ROR2: variants seen among roughly 807,000 people sequenced by gnomAD.
The protein encoded by ROR2 is tyrosine-protein kinase transmembrane receptor ROR2.
Under a neutral mutation model 74.9 loss-of-function variants are expected in ROR2, and 33 were observed. That is an observed-to-expected ratio of 0.44 (90% CI 0.33 to 0.59). The LOEUF (loss-of-function observed/expected upper bound fraction) is 0.59, where lower values mean the gene tolerates loss of function less well. ROR2 is among the 20% of genes least tolerant of loss of function. The probability of loss-of-function intolerance (pLI) is 0.02; values close to 1 mark genes in which losing one functional copy is unlikely to be tolerated. For synonymous variants in ROR2, 586 were observed against 558.7 expected (o/e 1.05, Z -0.69); for missense variants, 1,216 against 1,313.8 (o/e 0.93, Z 1.15).
intron 1 of ROR2, among the ~76,000 whole-genome samples, chr9:91,817,557 G>A (rs1159777055): frequency 1.3e-5 from 2 of 152,288 alleles, no homozygotes; most frequent in South Asian, 2.1e-4. Context: ...CTCCTCCGGG[G>A]AGTGAAGGGG....
intron 1 of ROR2, among the ~76,000 whole-genome samples, chr9:91,904,895 T>G (rs1385717831): frequency 6.6e-6 from 1 of 151,988 alleles, no homozygotes. Flanking sequence ...GGTGCACAGC[T>G]GCAGAACACA....
intron 1 of ROR2, among the ~76,000 whole-genome samples, chr9:91,852,132 A>G (rs185091068): frequency 2.8e-4 from 43 of 151,662 alleles, no homozygotes; most frequent in Non-Finnish European, 4.4e-4. Context: ...TCTATTACTT[A>G]TTTTTATGGT....
chr9:91,940,715 C>T (rs1364089902), intron 1 of ROR2, among the ~76,000 whole-genome samples: 2 of 151,356 alleles, frequency 1.3e-5, no homozygotes, highest in Non-Finnish European at 2.9e-5. Flanking sequence ...CTGTCTCTGT[C>T]TCGGCCTCCC....
intron 1 of ROR2, among the ~76,000 whole-genome samples, chr9:91,882,513 C>T (rs983271737): frequency 6.6e-6 from 1 of 151,446 alleles, no homozygotes; most frequent in African/African-American, 2.4e-5. Context: ...AAATGCTGAA[C>T]GAAAAAATAT....
At chr9:91,906,034 G>C (rs1587836942) in intron 1 of ROR2, among the ~76,000 whole-genome samples, 1 of 144,890 alleles carries the variant, frequency 6.9e-6, no homozygotes, top group Non-Finnish European at 1.5e-5. Flanking sequence ...CACACACACA[G>C]AGTAATAATT....
intron 1 of ROR2, among the ~76,000 whole-genome samples, chr9:91,877,774 T>C (rs1473848470): frequency 6.6e-6 from 1 of 152,154 alleles, no homozygotes; most frequent in Non-Finnish European, 1.5e-5. Flanking sequence ...AGGTTTAGAT[T>C]TATGCTAAAA....
chr9:91,938,773 G>C (rs981164451), intron 1 of ROR2, among the ~76,000 whole-genome samples: 7 of 152,140 alleles, frequency 4.6e-5, no homozygotes, highest in Non-Finnish European at 7.3e-5. Flanking sequence ...TCCTCTATTT[G>C]CATCAGTAGA....
rs201080671 is a variant in ROR2, at chr9:91,775,808, C to T, written c.108G>A (p.Glu36=). Residue 36 remains glutamate, a synonymous_variant, in exon 2 of 9, where the codon GAG becomes GAA. Coordinates refer to ENST00000375708, the MANE Select transcript of ROR2 (RefSeq NM_004560.4). ...CTAAAGGGTCGTTCGGATCCAGAACCTCCACTTCACCTGGGAAAAAGAAAC... is the reference window on the plus strand; with the variant it reads ...CTAAAGGGTCGTTCGGATCCAGAACTTCCACTTCACCTGGGAAAAAGAAAC... ...LSVSRTSGEV[E]VLDPNDPLGP... The T allele has an allele frequency of 6.2e-7, 1 of 1,614,164 alleles. No homozygotes were observed. The highest frequency in any genetic ancestry group is 1.3e-5 in the African/African-American group (1 of 75,050).
At chr9:91,805,528 C>T (rs1414007776) in intron 1 of ROR2, among the ~76,000 whole-genome samples, 1 of 152,216 alleles carries the variant, frequency 6.6e-6, no homozygotes, top group African/African-American at 2.4e-5. Context: ...GCTGCTCCCC[C>T]TAGCCGGAGA....
At chr9:91,737,594 G>C (rs1825077118) in intron 4 of ROR2, 76 bp from the exon 5 acceptor site, 2 of 1,603,410 alleles carry the variant, frequency 1.2e-6, no homozygotes, top group Admixed American at 3.3e-5. Context: ...TTATGATCCA[G>C]CATCTTGCGA....
chr9:91,830,809 CGTGTGTGT>C (rs34963566), intron 1 of ROR2, among the ~76,000 whole-genome samples: 3,755 of 139,644 alleles, frequency 0.027, 67 homozygotes, highest in Non-Finnish European at 0.037. Context: ...TAACTGTGTC[CGTGTGTGT>C]GTGTGTGTGT....
At chr9:91,918,231 G>A (rs1167967580) in intron 1 of ROR2, among the ~76,000 whole-genome samples, 2 of 144,012 alleles carry the variant, frequency 1.4e-5, no homozygotes, top group African/African-American at 5.4e-5. Flanking sequence ...TTGCGCCACC[G>A]CACTCCAGCC....
chr9:91,797,079 T>A (rs1322941120), intron 1 of ROR2, among the ~76,000 whole-genome samples: 1 of 73,672 alleles, frequency 1.4e-5, no homozygotes, highest in Admixed American at 1.2e-4. Context: ...GCTGACACCC[T>A]GGGATCTGTG....
rs115772215 is a variant in ROR2, at chr9:91,868,438, G to A, written c.97+81429C>T. ...AAGTGACTAAGAACTTTATAAATGTGGCAAAAAAATGTAAACCCACAAAAT... is the reference window on the plus strand; with the variant it reads ...AAGTGACTAAGAACTTTATAAATGTAGCAAAAAAATGTAAACCCACAAAAT... On this transcript the variant is annotated intron_variant, in intron 1 of 8. Coordinates refer to ENST00000375708, the MANE Select transcript of ROR2 (RefSeq NM_004560.4). 4.5e-3 allele frequency among the ~76,000 whole-genome samples: 691 copies of A among 152,062 alleles called. 6 individuals are homozygous for A. Among genetic ancestry groups the A allele is most frequent in the African/African-American group, 0.016 (644 of 41,490 alleles).
chr9:91,828,398 G>A (rs915248113), intron 1 of ROR2, among the ~76,000 whole-genome samples: 1 of 152,134 alleles, frequency 6.6e-6, no homozygotes. Context: ...AAAGTTTTTA[G>A]TCTATTTACT....
intron 1 of ROR2, among the ~76,000 whole-genome samples, chr9:91,930,000 C>T (rs138365705): frequency 6.6e-6 from 1 of 152,256 alleles, no homozygotes; most frequent in East Asian, 1.9e-4. Flanking sequence ...TCAACCCCTA[C>T]TGCACACTAG....
rs1412470771 is a variant in ROR2 at position 91,775,806 on chromosome 9, A to T, written c.110T>A (p.Val37Asp). Residue 37 changes from valine to aspartate, a missense_variant, in exon 2 of 9, where the codon GTT becomes GAT. Physicochemically the swap from Val to Asp is radical, Grantham distance 152 (BLOSUM62 -3). Transcript: ENST00000375708. ...SVSRTSGEVEVLDPNDPLGPL... is the reference protein window; with the variant it reads ...SVSRTSGEVEDLDPNDPLGPL... ...TCCTAAAGGGTCGTTCGGATCCAGAACCTCCACTTCACCTGGGAAAAAGAA... is the reference window on the plus strand; with the variant it reads ...TCCTAAAGGGTCGTTCGGATCCAGATCCTCCACTTCACCTGGGAAAAAGAA... 5 of 1,614,154 alleles carry T rather than the reference A, an allele frequency of 3.1e-6. No homozygotes were observed. Among genetic ancestry groups the T allele is most frequent in the Non-Finnish European group, 4.2e-6 (5 of 1,180,002 alleles).
intron 1 of ROR2, among the ~76,000 whole-genome samples, chr9:91,798,639 G>A (rs2119041747): frequency 9.4e-6 from 1 of 105,998 alleles, no homozygotes; most frequent in East Asian, 4.0e-4. Context: ...GGCTCTGTGG[G>A]CGAGCTGACA....
chr9:91,876,697 A>G (rs982038258), intron 1 of ROR2, among the ~76,000 whole-genome samples: 1 of 152,234 alleles, frequency 6.6e-6, no homozygotes, highest in Non-Finnish European at 1.5e-5. Flanking sequence ...TTCTTAAAAT[A>G]TCATCAGAAT....
Sources: gnomAD v4.1 joint callset for allele counts (sites outside exome capture counted in the v4.1 genomes callset) on GRCh38, gnomAD v4.1.1 for gene constraint, MANE v1.5 for transcripts, NCBI Gene and HGNC (gene_info 2026-07-23, HGNC 2026-07-21) for gene names.